CHL1: variants seen among roughly 807,000 people sequenced by gnomAD.
The protein encoded by CHL1 is cell adhesion molecule L1 like.
In CHL1, 96 loss-of-function variants were observed where a neutral mutation model predicts 141.9. The ratio of observed to expected loss-of-function variants is 0.68; its 90% CI spans 0.57 to 0.80. The LOEUF (loss-of-function observed/expected upper bound fraction) is 0.80. CHL1 is among the 30% of genes least tolerant of loss of function. The probability of loss-of-function intolerance (pLI) is 0.00; values close to 1 mark genes in which losing one functional copy is unlikely to be tolerated. For synonymous variants in CHL1, 613 were observed against 502.2 expected (o/e 1.22, Z -2.95); for missense variants, 1,820 against 1,457.2 (o/e 1.25, Z -4.05).
At position 198,347 on chromosome 3, in the gene CHL1, G is replaced by C. The variant is rs559414676; in HGVS notation, c.-175+1284G>C. 2.6e-5 allele frequency among the ~76,000 whole-genome samples: 4 copies of C among 152,036 alleles called. No individual in the cohort carries two copies. In the South Asian group the frequency reaches 8.3e-4, roughly 32 times the overall value. The stretch of plus-strand genomic sequence containing the variant: ...CGGCTGCCCTGCCAGGCGCGTGCGC[G>C]AGGGCGCGCTCCCGCGGGAACGCGC... On this transcript the variant is annotated intron_variant, in intron 1 of 27. Transcript: ENST00000256509.
intron 19 of CHL1, among the ~76,000 whole-genome samples, chr3:388,107 CTTATT>C (rs1458866537): frequency 6.6e-6 from 1 of 152,168 alleles, no homozygotes; most frequent in Non-Finnish European, 1.5e-5. Context: ...GTATTTTAAA[CTTATT>C]TTATATAACT....
At chr3:398,459 C>A in intron 25 of CHL1, 74 bp downstream of exon 25, 3 of 871,366 alleles carry the variant, frequency 3.4e-6, no homozygotes, top group South Asian at 4.5e-5. Flanking sequence ...TTGCCTGTGT[C>A]CTATATTAAA....
At chr3:361,626 A>C in intron 12 of CHL1, 73 bp from the exon 13 acceptor site, 2 of 984,800 alleles carry the variant, frequency 2.0e-6, no homozygotes, top group Non-Finnish European at 3.3e-6. Context: ...TATGACTAGG[A>C]CATAGAAAAA....
intron 2 of CHL1, among the ~76,000 whole-genome samples, chr3:261,947 A>C (rs111756823): frequency 3.5e-4 from 53 of 150,172 alleles, no homozygotes; most frequent in South Asian, 1.1e-3. Flanking sequence ...CACAGTACTC[A>C]CAGGGCAGGA....
chr3:209,078 G>A (rs1042201065), intron 1 of CHL1, among the ~76,000 whole-genome samples: 1 of 152,142 alleles, frequency 6.6e-6, no homozygotes, highest in African/African-American at 2.4e-5. Context: ...GTATTCAAAT[G>A]CTAGGCCAAT....
intron 25 of CHL1, among the ~76,000 whole-genome samples, chr3:398,676 C>A (rs1708873653): frequency 6.6e-6 from 1 of 152,172 alleles, no homozygotes; most frequent in African/African-American, 2.4e-5. Flanking sequence ...AAAACAAAAA[C>A]CACCGGTCTC....
At chr3:278,563 C>A (rs1389498689) in intron 2 of CHL1, among the ~76,000 whole-genome samples, 20 of 152,190 alleles carry the variant, frequency 1.3e-4, no homozygotes, top group Admixed American at 1.3e-3. Flanking sequence ...GCACCTGTCA[C>A]CAGGCTTCAT....
At chr3:316,740 A>T (rs889122864) in intron 2 of CHL1, among the ~76,000 whole-genome samples, 3 of 151,908 alleles carry the variant, frequency 2.0e-5, no homozygotes, top group African/African-American at 7.3e-5. Context: ...TGCCTGTATC[A>T]AAACATCTCA....
chr3:199,360 T>C lies in CHL1; in HGVS notation c.-175+2297T>C, dbSNP rs191825717. On this transcript the variant is annotated intron_variant, in intron 1 of 27. Transcript: ENST00000256509. Reference sequence around the variant, plus strand: ...TGCAGCACAAGACTATGATGATGAATATATGTTTCCCAGATTGTTATCTGT... The same window carrying C: ...TGCAGCACAAGACTATGATGATGAACATATGTTTCCCAGATTGTTATCTGT... 3.9e-5 allele frequency among the ~76,000 whole-genome samples: 6 copies of C among 152,328 alleles called. No homozygotes were observed. In the East Asian group the frequency reaches 7.7e-4, roughly 20 times the overall value.
intron 2 of CHL1, chr3:309,425 T>TTCCTTC (rs60454888): frequency 7.9e-4 from 118 of 150,104 alleles, no homozygotes; most frequent in African/African-American, 2.9e-3. Context: ...CTTTTCTTCC[T>TTCCTTC]CTTTCTTTCT....
chr3:271,218 A>G (rs148078776), intron 2 of CHL1, among the ~76,000 whole-genome samples: 75 of 152,330 alleles, frequency 4.9e-4, no homozygotes, highest in African/African-American at 1.7e-3. Flanking sequence ...AAGTCATTTT[A>G]ACTCGCTGAT....
chr3:383,104 C>T (rs1330782816), intron 18 of CHL1, among the ~76,000 whole-genome samples: 1 of 152,098 alleles, frequency 6.6e-6, no homozygotes, highest in African/African-American at 2.4e-5. Context: ...ATTTGTATTA[C>T]TGAATTGTTA....
intron 19 of CHL1, among the ~76,000 whole-genome samples, chr3:388,443 A>G (rs1379584952): frequency 1.3e-5 from 2 of 151,846 alleles, no homozygotes; most frequent in Admixed American, 1.3e-4. Context: ...GCTACTCAGG[A>G]GGCTGAGGAA....
At chr3:209,162 A>T (rs1323875133) in intron 1 of CHL1, among the ~76,000 whole-genome samples, 1 of 152,188 alleles carries the variant, frequency 6.6e-6, no homozygotes, top group East Asian at 1.9e-4. Context: ...TAAAATGTAA[A>T]CACTTGATTA....
At position 319,743 on chromosome 3, in the gene CHL1, C is replaced by A. The variant is rs1165653725; in HGVS notation, c.-34C>A. The A allele has an allele frequency of 1.4e-6, 2 of 1,419,550 alleles. No homozygotes were observed. The highest frequency in any genetic ancestry group is 1.2e-5 in the South Asian group (1 of 85,072). 87.9% of individuals were successfully genotyped at this position (1,419,550 alleles called of 1,614,324 possible). On this transcript the variant is annotated 5_prime_UTR_variant, in exon 3 of 28. Transcript: ENST00000256509. ...AAGTGAGAGGAGACATTAAGATTTTCATTCTTACCGGGTTGTCTTCTTCCT... is the reference window on the plus strand; with the variant it reads ...AAGTGAGAGGAGACATTAAGATTTTAATTCTTACCGGGTTGTCTTCTTCCT...
At position 408,334 on chromosome 3, in the gene CHL1, G is replaced by A. The variant is rs1247723456; in HGVS notation, c.*2623G>A. Reference sequence around the variant, plus strand: ...GTATATAGTCTCAAGAATGGTTGGTGGGCATGAGTTCCTAGAGAACTGTCC... The same window carrying A: ...GTATATAGTCTCAAGAATGGTTGGTAGGCATGAGTTCCTAGAGAACTGTCC... On this transcript the variant is annotated 3_prime_UTR_variant, in exon 28 of 28. Transcript: ENST00000256509. 6.6e-6 allele frequency: 1 copy of A among 152,044 alleles called. No homozygotes were observed. 9.4% of individuals were successfully genotyped at this position (152,044 alleles called of 1,614,324 possible). A position where few individuals can be genotyped will look rare whatever the true frequency, so the allele number is the denominator to read the frequency against.
At chr3:333,130 TTTA>T (rs562933200) in intron 5 of CHL1, among the ~76,000 whole-genome samples, 16,355 of 118,610 alleles carry the variant, frequency 0.14, 4,372 homozygotes, top group East Asian at 0.41. Context: ...CTCTATTTTT[TTTA>T]TTTTTTTTTT....
At chr3:209,342 C>T (rs925651020) in intron 1 of CHL1, among the ~76,000 whole-genome samples, 1 of 152,156 alleles carries the variant, frequency 6.6e-6, no homozygotes, top group Admixed American at 6.5e-5. Context: ...TAATATATTT[C>T]TTCCGCAAGA....
At chr3:255,103 AT>A (rs908661799) in intron 2 of CHL1, among the ~76,000 whole-genome samples, 14 of 152,218 alleles carry the variant, frequency 9.2e-5, no homozygotes, top group East Asian at 3.9e-4. Context: ...TGAAAGATTA[AT>A]TTTCCTTTCA....
Sources: allele counts gnomAD v4.1 joint callset (sites outside exome capture counted in the v4.1 genomes callset), GRCh38; gene constraint gnomAD v4.1.1; transcripts MANE v1.5; gene names NCBI Gene and HGNC (gene_info 2026-07-23, HGNC 2026-07-21).